SHLD1: variants seen among roughly 807,000 people sequenced by gnomAD.
SHLD1 encodes the protein shieldin complex subunit 1, also known as RINN1-REV7-interacting novel NHEJ regulator 3.
Under a neutral mutation model 5.5 loss-of-function variants are expected in SHLD1, and 3 were observed. The observed-to-expected ratio is 0.54, with a 90% CI of 0.25 to 1.40. The LOEUF (loss-of-function observed/expected upper bound fraction) is 1.40, where lower values mean the gene tolerates loss of function less well. Ranked by LOEUF, SHLD1 falls within the 40% of genes most tolerant of loss-of-function variation. The pLI, the probability that SHLD1 is intolerant of heterozygous loss-of-function variation, is 0.15. For synonymous variants in SHLD1, 92 were observed against 94.3 expected (o/e 0.98, Z 0.14); for missense variants, 210 against 244.4 (o/e 0.86, Z 0.94).
intron 2 of SHLD1, among the ~76,000 whole-genome samples, chr20:5,828,225 A>G (rs188668847): frequency 2.0e-4 from 30 of 152,252 alleles, no homozygotes; most frequent in Admixed American, 3.3e-4. Context: ...ATAATTATTT[A>G]TCCTGGGTTC....
In SHLD1 at chr20:5,855,037, C is replaced by A. The variant is rs2088064728; in HGVS notation, c.179-7987C>A. Among the ~76,000 whole-genome samples, 1 of 151,918 alleles carries A rather than the reference C, an allele frequency of 6.6e-6. No homozygotes were observed. The highest frequency in any genetic ancestry group is 2.1e-4 in the South Asian group (1 of 4,810). Reference sequence around the variant, plus strand: ...TACAGGCATGAACCACCATGGCCGGCTAAATTTTTAATTTTTTTTTTGTAG... The same window carrying A: ...TACAGGCATGAACCACCATGGCCGGATAAATTTTTAATTTTTTTTTTGTAG... On this transcript the variant is annotated intron_variant, in intron 2 of 2. Transcript: ENST00000303142. The surrounding 1 kb of genome is among the most constrained non-coding windows in gnomAD (Gnocchi z 4.4).
At chr20:5,788,552 G>T (rs2087093923) in intron 2 of SHLD1, among the ~76,000 whole-genome samples, 1 of 152,154 alleles carries the variant, frequency 6.6e-6, no homozygotes, top group Non-Finnish European at 1.5e-5. Context: ...GCCCTCTGGT[G>T]GCTACTTGTT....
intron 2 of SHLD1, among the ~76,000 whole-genome samples, chr20:5,790,016 C>T (rs1238189795): frequency 1.3e-5 from 2 of 152,142 alleles, no homozygotes; most frequent in Non-Finnish European, 2.9e-5. Context: ...CTGGGACTTC[C>T]TTCCCCTGCT....
At position 5,817,432 on chromosome 20, in the gene SHLD1, C is replaced by CTGTGTGTGTGTGTGTGTG. The variant is rs1190340129; in HGVS notation, c.178+44413_178+44430dup. ...TCTCTCTCTCTCTCTCTCTCTCTCT[C>CTGTGTGTGTGTGTGTGTG]TGTGTGTGTGTGTGTGTGTGTGTGT... On this transcript the variant is annotated intron_variant, in intron 2 of 2. Coordinates refer to ENST00000303142, the MANE Select transcript of SHLD1 (RefSeq NM_152504.4). Among the ~76,000 whole-genome samples the CTGTGTGTGTGTGTGTGTG allele has an allele frequency of 3.5e-5, 3 of 85,588 alleles. 1 individual carries two copies. Among genetic ancestry groups the CTGTGTGTGTGTGTGTGTG allele is most frequent in the African/African-American group, 1.7e-4 (3 of 17,930 alleles). The allele number at this position is 85,588 out of a possible 152,430, so 56.1% of individuals were successfully genotyped here.
chr20:5,837,005 A>G (rs546625266), intron 2 of SHLD1, among the ~76,000 whole-genome samples: 1 of 152,326 alleles, frequency 6.6e-6, no homozygotes, highest in African/African-American at 2.4e-5. Flanking sequence ...GCATCCTAGA[A>G]ATCATACAAG....
At chr20:5,797,453 T>C (rs1600132124) in intron 2 of SHLD1, among the ~76,000 whole-genome samples, 1 of 152,086 alleles carries the variant, frequency 6.6e-6, no homozygotes, top group Non-Finnish European at 1.5e-5. Flanking sequence ...TCCCAGCTAC[T>C]CAAGAGGCAG....
chr20:5,752,135 C>A (rs1983786793), intron 1 of SHLD1, among the ~76,000 whole-genome samples: 2 of 152,120 alleles, frequency 1.3e-5, no homozygotes, highest in African/African-American at 4.8e-5. Context: ...ATGGCTCACA[C>A]CTGTAATCTC....
At chr20:5,773,087 C>A (rs77420900) in intron 2 of SHLD1, 44 bp downstream of exon 2, 2 of 1,588,604 alleles carry the variant, frequency 1.3e-6, no homozygotes, top group East Asian at 4.5e-5. Context: ...AAACAACTAG[C>A]AGCAATACGG....
intron 1 of SHLD1, among the ~76,000 whole-genome samples, chr20:5,756,186 C>T (rs1190278353): frequency 2.0e-5 from 3 of 151,858 alleles, no homozygotes; most frequent in African/African-American, 7.3e-5. Context: ...CTTTGTGGCT[C>T]ATGTCTGTAA....
At chr20:5,848,253 C>T (rs1204856828) in intron 2 of SHLD1, among the ~76,000 whole-genome samples, 1 of 152,108 alleles carries the variant, frequency 6.6e-6, no homozygotes, top group African/African-American at 2.4e-5. Flanking sequence ...CAAAAATGGG[C>T]TGAGGGCTGG....
At chr20:5,840,607 C>T (rs181697754) in intron 2 of SHLD1, among the ~76,000 whole-genome samples, 7 of 152,266 alleles carry the variant, frequency 4.6e-5, no homozygotes, top group African/African-American at 9.6e-5. Context: ...ACATCTGAAC[C>T]GGCAGCTTCC....
At chr20:5,810,587 CCCTACCA>C (rs1474361130) in intron 2 of SHLD1, among the ~76,000 whole-genome samples, 4 of 151,878 alleles carry the variant, frequency 2.6e-5, no homozygotes, top group African/African-American at 9.7e-5. Flanking sequence ...TTTCTATTTC[CCCTACCA>C]ATAGACGTAT....
intron 1 of SHLD1, among the ~76,000 whole-genome samples, chr20:5,769,468 G>T (rs1241874797): frequency 6.6e-6 from 1 of 152,166 alleles, no homozygotes; most frequent in Non-Finnish European, 1.5e-5. Flanking sequence ...ACCCCCCAGG[G>T]GATACCCGAA....
At chr20:5,840,098 G>C (rs921593236) in intron 2 of SHLD1, among the ~76,000 whole-genome samples, 1 of 152,198 alleles carries the variant, frequency 6.6e-6, no homozygotes, top group African/African-American at 2.4e-5. Context: ...TGTATGACTA[G>C]AGACTTCATC....
intron 2 of SHLD1, among the ~76,000 whole-genome samples, chr20:5,803,828 C>T (rs1464475469): frequency 6.6e-6 from 1 of 150,780 alleles, no homozygotes; most frequent in Non-Finnish European, 1.5e-5. Flanking sequence ...ACCGAGATCG[C>T]GCCACTGCAC....
At chr20:5,851,975 G>C (rs1479914618) in intron 2 of SHLD1, among the ~76,000 whole-genome samples, 5 of 151,930 alleles carry the variant, frequency 3.3e-5, no homozygotes, top group Admixed American at 2.0e-4. Context: ...GTTCTCATGA[G>C]ACCTGGCTGT....
At position 5,822,225 on chromosome 20, in the gene SHLD1, A is replaced by G. The variant is rs377623531; in HGVS notation, c.179-40799A>G. Among the ~76,000 whole-genome samples the G allele has an allele frequency of 1.4e-4, 22 of 152,312 alleles. No homozygotes were observed. The East Asian group carries it at 1.9e-3, about 13-fold the overall frequency. ...GTAATCCCAGCACTTTGGGAGCCCA[A>G]GGCGGGCAGATCACCTGAGGTCAGG... On this transcript the variant is annotated intron_variant, in intron 2 of 2. Transcript: ENST00000303142.
At chr20:5,772,815 C>G in intron 1 of SHLD1, 47 bp from the exon 2 acceptor site, 1 of 1,497,180 alleles carries the variant, frequency 6.7e-7, no homozygotes, top group South Asian at 1.2e-5. Context: ...AAGGATCCTG[C>G]TATGTGGTGC....
chr20:5,832,636 A>G lies in SHLD1; in HGVS notation c.179-30388A>G, dbSNP rs181908852. On this transcript the variant is annotated intron_variant, in intron 2 of 2. Transcript: ENST00000303142. Reference sequence around the variant, plus strand: ...AATTTTTAAGATTAGTTTGGCTAGTATATACATTATGCTCCAAATCACGAA... The same window carrying G: ...AATTTTTAAGATTAGTTTGGCTAGTGTATACATTATGCTCCAAATCACGAA... Among the ~76,000 whole-genome samples, 20 of 152,132 alleles carry G rather than the reference A, an allele frequency of 1.3e-4. No individual in the cohort carries two copies. In the East Asian group the frequency reaches 3.7e-3, roughly 28 times the overall value.
Sources: allele counts gnomAD v4.1 joint callset (sites outside exome capture counted in the v4.1 genomes callset), GRCh38; gene constraint gnomAD v4.1.1; non-coding constraint Gnocchi (gnomAD v3.1); transcripts MANE v1.5; gene names NCBI Gene and HGNC (gene_info 2026-07-23, HGNC 2026-07-21).